Variants in ATP11A observed in about 807,000 individuals in gnomAD.
ATP11A encodes the protein phospholipid-transporting ATPase IH.
A neutral mutation model predicts 154.4 loss-of-function variants in ATP11A; 81 were observed. The ratio of observed to expected loss-of-function variants is 0.52; its 90% CI spans 0.44 to 0.63. The LOEUF is 0.63. Among genes scored for constraint, ATP11A ranks in the 30% least tolerant of loss-of-function variants. The pLI is 0.00. For synonymous variants in ATP11A, 623 were observed against 585.9 expected (o/e 1.06, Z -0.91); for missense variants, 1,316 against 1,474.3 (o/e 0.89, Z 1.76).
intron 1 of ATP11A, among the ~76,000 whole-genome samples, chr13:112,745,210 GC>G (rs1891992939): frequency 6.6e-6 from 1 of 152,092 alleles, no homozygotes; most frequent in African/African-American, 2.4e-5. Flanking sequence ...GACTACAGGC[GC>G]CCGCTACCAC....
chr13:112,734,528 G>T (rs1306828010), intron 1 of ATP11A, among the ~76,000 whole-genome samples: 1 of 152,090 alleles, frequency 6.6e-6, no homozygotes, highest in African/African-American at 2.4e-5. Flanking sequence ...GCCATCAACC[G>T]CCGAGGAACT....
At chr13:112,694,988 A>G (rs1041360276) in intron 1 of ATP11A, among the ~76,000 whole-genome samples, 1 of 152,252 alleles carries the variant, frequency 6.6e-6, no homozygotes, top group Non-Finnish European at 1.5e-5. Context: ...CGAATGGTGT[A>G]TAATGTGAAC....
intron 5 of ATP11A, among the ~76,000 whole-genome samples, chr13:112,814,314 C>T (rs1470528110): frequency 2.6e-5 from 4 of 151,942 alleles, no homozygotes; most frequent in Non-Finnish European, 4.4e-5. Flanking sequence ...CTGCCTGCCT[C>T]GGCCTCCCAA....
chr13:112,849,751 G>T (rs138560028), intron 17 of ATP11A, among the ~76,000 whole-genome samples: 1 of 152,240 alleles, frequency 6.6e-6, no homozygotes, highest in East Asian at 1.9e-4. Context: ...CAGACACAGT[G>T]CCCACAGCCA....
intron 29 of ATP11A, chr13:112,880,587 C>T: frequency 7.7e-7 from 1 of 1,300,758 alleles, no homozygotes; most frequent in Non-Finnish European, 1.0e-6. Context: ...CCGCACAGAG[C>T]AGCGATGGGC....
rs112771517 is a variant in ATP11A at position 112,862,627 on chromosome 13, C to T, written c.2991+52C>T. On this transcript the variant is annotated intron_variant, in intron 25 of 29. Transcript: ENST00000375645. ...CTTAGCTGCTTAGGAATAAAGCCTC[C>T]CAAGCCCATATGATGATTTTGCCAA... is the stretch of plus-strand genomic sequence containing the variant. The T allele has an allele frequency of 9.3e-6, 15 of 1,610,414 alleles. No homozygotes were observed. The Admixed American group carries it at 2.3e-4, about 25-fold the overall frequency.
At chr13:112,879,431 A>G (rs2080820511) in intron 29 of ATP11A, among the ~76,000 whole-genome samples, 1 of 152,254 alleles carries the variant, frequency 6.6e-6, no homozygotes, top group Non-Finnish European at 1.5e-5. Context: ...GGATGAAATT[A>G]TTAGGAACAT....
intron 6 of ATP11A, among the ~76,000 whole-genome samples, chr13:112,817,485 C>G (rs1451724392): frequency 6.6e-6 from 1 of 152,236 alleles, no homozygotes; most frequent in Non-Finnish European, 1.5e-5. Flanking sequence ...GTCGGAATCC[C>G]TGGATGATTC....
chr13:112,881,223 G>A (rs540578060), intron 29 of ATP11A: 28 of 988,792 alleles, frequency 2.8e-5, no homozygotes, highest in Middle Eastern at 5.1e-4. Context: ...GCCTCCTGCC[G>A]CTCCCCTTGC....
At chr13:112,748,999 T>C (rs2076625190) in intron 1 of ATP11A, among the ~76,000 whole-genome samples, 1 of 152,204 alleles carries the variant, frequency 6.6e-6, no homozygotes, top group Non-Finnish European at 1.5e-5. Context: ...ATTTGAGCCA[T>C]GCACTGGGTC....
chr13:112,759,080 G>A (rs2076908486), intron 1 of ATP11A, among the ~76,000 whole-genome samples: 1 of 152,224 alleles, frequency 6.6e-6, no homozygotes, highest in Admixed American at 6.5e-5. Flanking sequence ...ACAGCAACGT[G>A]TGCAGGGTAT....
chr13:112,811,249 A>AAAATC (rs1345596040), intron 5 of ATP11A, among the ~76,000 whole-genome samples: 1 of 149,124 alleles, frequency 6.7e-6, no homozygotes, highest in Non-Finnish European at 1.5e-5. Context: ...GGTGGAATAT[A>AAAATC]AAATCATTAT....
At chr13:112,847,110 C>T (rs756021724) in intron 17 of ATP11A, among the ~76,000 whole-genome samples, 1 of 152,232 alleles carries the variant, frequency 6.6e-6, no homozygotes, top group South Asian at 2.1e-4. Context: ...GCTCCGGCTA[C>T]GTTCCCCTGC....
chr13:112,795,845 T>G (rs1179182571), intron 2 of ATP11A, among the ~76,000 whole-genome samples: 3 of 152,252 alleles, frequency 2.0e-5, no homozygotes, highest in Non-Finnish European at 2.9e-5. Flanking sequence ...TTTGCCAAGT[T>G]GTATACACAA....
rs2080973003 is a variant in ATP11A at position 112,885,916 on chromosome 13, G to C, written c.*4050G>C. 1 of 152,316 alleles carries C rather than the reference G, an allele frequency of 6.6e-6. No homozygotes were observed. Among genetic ancestry groups the C allele is most frequent in the African/African-American group, 2.4e-5 (1 of 41,472 alleles). 9.4% of individuals were successfully genotyped at this position (152,316 alleles called of 1,614,324 possible). On this transcript the variant is annotated 3_prime_UTR_variant, in exon 30 of 30. Transcript: ENST00000375645. ...GCTTCACTTACACCAGCTGCTCTGT[G>C]AGCAAGGCTTGGTGCCCTGGACAAG... is the stretch of plus-strand genomic sequence containing the variant.
intron 1 of ATP11A, among the ~76,000 whole-genome samples, chr13:112,698,417 C>G (rs1190053781): frequency 6.6e-6 from 1 of 152,216 alleles, no homozygotes; most frequent in Non-Finnish European, 1.5e-5. Flanking sequence ...GGTGCTTTAG[C>G]TGCTGCATGC....
At chr13:112,744,572 C>G (rs1209407848) in intron 1 of ATP11A, among the ~76,000 whole-genome samples, 2 of 152,250 alleles carry the variant, frequency 1.3e-5, no homozygotes, top group South Asian at 4.1e-4. Flanking sequence ...CTCCCCGGCC[C>G]TCTGCTCACC....
intron 1 of ATP11A, among the ~76,000 whole-genome samples, chr13:112,724,941 C>T (rs918503087): frequency 2.0e-5 from 3 of 152,196 alleles, no homozygotes; most frequent in Non-Finnish European, 4.4e-5. Flanking sequence ...GCCACCCCTG[C>T]GGCCATGCCT....
At chr13:112,792,973 C>T (rs936395346) in intron 2 of ATP11A, among the ~76,000 whole-genome samples, 8 of 152,140 alleles carry the variant, frequency 5.3e-5, no homozygotes, top group South Asian at 2.1e-4. Context: ...CTCTGCAATT[C>T]GTAGGTATAG....
Sources: gnomAD v4.1 joint callset for allele counts (sites outside exome capture counted in the v4.1 genomes callset) on GRCh38, gnomAD v4.1.1 for gene constraint, MANE v1.5 for transcripts, NCBI Gene and HGNC (gene_info 2026-07-23, HGNC 2026-07-21) for gene names.